Variants in LAMB1 observed in about 807,000 individuals in gnomAD.
LAMB1 encodes the protein laminin subunit beta-1.
In LAMB1, 121 loss-of-function variants were observed where a neutral mutation model predicts 222.3. The ratio of observed to expected loss-of-function variants is 0.54; its 90% confidence interval spans 0.47 to 0.63. The LOEUF is 0.63. Among genes scored for constraint, LAMB1 ranks in the 30% least tolerant of loss-of-function variants. The pLI, the probability that LAMB1 is intolerant of heterozygous loss-of-function variation, is 0.00. For synonymous variants in LAMB1, 794 were observed against 807.2 expected, an observed-to-expected ratio of 0.98 and a Z score of 0.28; for missense variants, 2,172 against 2,240.8, an observed-to-expected ratio of 0.97 and a Z score of 0.62.
chr7:107,939,102 C>T (rs2032917033), intron 25 of LAMB1, among the ~76,000 whole-genome samples: 1 of 152,062 alleles, frequency 6.6e-6, no homozygotes, highest in African/African-American at 2.4e-5. Context: ...GATGGTGAGT[C>T]TGCAGTGAAA....
At chr7:107,931,556 C>A (rs1281561488) in intron 28 of LAMB1, 56 bp from the exon 29 acceptor site, 1 of 1,496,560 alleles carries the variant, frequency 6.7e-7, no homozygotes, top group Non-Finnish European at 9.1e-7. Context: ...TAAAGGAGAC[C>A]AGAATATTGG....
intron 27 of LAMB1, 199 bp downstream of exon 27, chr7:107,935,216 T>C: frequency 4.3e-6 from 3 of 697,628 alleles, no homozygotes; most frequent in South Asian, 4.1e-5. Context: ...ACCCATATGC[T>C]GCTGCTTTTA....
intron 24 of LAMB1, among the ~76,000 whole-genome samples, chr7:107,941,346 T>TTTG (rs1200713668): frequency 1.3e-5 from 2 of 152,210 alleles, no homozygotes; most frequent in African/African-American, 2.4e-5. Context: ...GGCCTTATGC[T>TTTG]AACATCTTAT....
chr7:107,978,742 C>A (rs1338680342), intron 8 of LAMB1, among the ~76,000 whole-genome samples: 1 of 151,642 alleles, frequency 6.6e-6, no homozygotes, highest in Non-Finnish European at 1.5e-5. Flanking sequence ...TTATGTTTTC[C>A]TTTTATGTAA....
intron 25 of LAMB1, among the ~76,000 whole-genome samples, chr7:107,937,846 T>C (rs890035732): frequency 6.6e-6 from 1 of 152,116 alleles, no homozygotes; most frequent in Admixed American, 6.6e-5. Context: ...TTTTATTTTT[T>C]ATAAGAAAAT....
At position 107,935,609 on chromosome 7, in the gene LAMB1, C is replaced by G; in HGVS notation, c.3994G>C (p.Glu1332Gln). 1.2e-6 allele frequency: 2 copies of G among 1,613,950 alleles called. No homozygotes were observed. The highest frequency in any genetic ancestry group is 1.7e-6 in the Non-Finnish European group (2 of 1,179,952). The change falls in exon 27 of 34, where the codon GAG (glutamate) becomes CAG (glutamine). Residue 1332 changes from glutamate to glutamine, a missense_variant. Transcript: ENST00000222399. ...TKYFQMSLEA[E>Q]ERVNASTTEP... The stretch of plus-strand genomic sequence containing the variant: ...GTGGTGGAGGCATTCACCCTCTCCT[C>G]TGCCTCAAGAGACATCTGGAAATAC...
intron 27 of LAMB1, 182 bp downstream of exon 27, chr7:107,935,233 C>T (rs1584487031): frequency 1.2e-6 from 1 of 828,572 alleles, no homozygotes; most frequent in East Asian, 2.6e-5. Context: ...TTTAATCTGT[C>T]TTGGTTACAG....
chr7:107,932,031 G>T, intron 28 of LAMB1, 143 bp downstream of exon 28: 2 of 808,224 alleles, frequency 2.5e-6, no homozygotes, highest in Non-Finnish European at 4.1e-6. Flanking sequence ...TGACCTCACA[G>T]AAACATGAAC....
At chr7:107,972,864 A>T in intron 13 of LAMB1, 128 bp downstream of exon 13, 1 of 730,572 alleles carries the variant, frequency 1.4e-6, no homozygotes, top group Non-Finnish European at 2.5e-6. Context: ...GTACCTACAC[A>T]CATTTATCAA....
intron 24 of LAMB1, among the ~76,000 whole-genome samples, chr7:107,948,710 T>C (rs2033180245): frequency 6.6e-6 from 1 of 152,164 alleles, no homozygotes; most frequent in African/African-American, 2.4e-5. Context: ...TTTCTTCTAA[T>C]ACAGGAGTAC....
intron 20 of LAMB1, 146 bp from the exon 21 acceptor site, chr7:107,955,776 A>G (rs1301324573): frequency 1.1e-5 from 8 of 708,724 alleles, no homozygotes; most frequent in Non-Finnish European, 1.5e-5. Flanking sequence ...TCTGTCACCC[A>G]GGCTGGAGTG....
intron 13 of LAMB1, among the ~76,000 whole-genome samples, chr7:107,968,797 A>C (rs577952514): frequency 1.3e-5 from 2 of 152,226 alleles, no homozygotes; most frequent in Non-Finnish European, 2.9e-5. Context: ...TCTCCTTTAG[A>C]GCCTTAGAAA....
Position 107,980,723 on chromosome 7 carries a change from T to C in LAMB1, c.765A>G (p.Arg255=). The change falls in exon 8 of 34, where the codon AGA becomes AGG. Residue 255 remains arginine, a synonymous_variant. Transcript: ENST00000222399. ...DNLLDSRMEI[R]EKYYYAVYDM... ...CATAAACTGCATAATAATACTTTTC[T>C]CTGATTTCCATCCTGGAATCCAGAA... The C allele has an allele frequency of 6.2e-7, 1 of 1,613,646 alleles. No individual in the cohort carries two copies. The highest frequency in any genetic ancestry group is 8.5e-7 in the Non-Finnish European group (1 of 1,179,544).
intron 24 of LAMB1, among the ~76,000 whole-genome samples, chr7:107,945,863 G>T (rs1391057530): frequency 1.3e-5 from 2 of 152,164 alleles, no homozygotes; most frequent in Non-Finnish European, 2.9e-5. Context: ...CTTCCCTAAT[G>T]ACTCCATTTC....
At chr7:107,966,465 T>C (rs1293875000) in intron 13 of LAMB1, among the ~76,000 whole-genome samples, 1 of 152,078 alleles carries the variant, frequency 6.6e-6, no homozygotes. Flanking sequence ...TGCTTCGGTC[T>C]CCCAAAGTGC....
At chr7:107,998,537 A>G in intron 3 of LAMB1, 45 bp from the exon 4 acceptor site, 1 of 1,554,262 alleles carries the variant, frequency 6.4e-7, no homozygotes. Context: ...CAATCTCATT[A>G]AAAACATTTT....
intron 5 of LAMB1, among the ~76,000 whole-genome samples, chr7:107,993,631 G>C (rs1056173230): frequency 2.6e-5 from 4 of 151,984 alleles, no homozygotes; most frequent in African/African-American, 9.7e-5. Flanking sequence ...CTCTGCAAAG[G>C]AAAAAATAGG....
Position 107,929,425 on chromosome 7 carries a change from C to A in LAMB1, c.4732G>T (p.Ala1578Ser). The A allele has an allele frequency of 1.2e-6, 2 of 1,613,922 alleles. No individual in the cohort carries two copies. The highest frequency in any genetic ancestry group is 1.7e-6 in the Non-Finnish European group (2 of 1,179,844). ...GTCTTTAGATACCTTGCTCTTTTAGCTTCTTCTAACAACATCTCAGCTCTG... is the reference window on the plus strand; with the variant it reads ...GTCTTTAGATACCTTGCTCTTTTAGATTCTTCTAACAACATCTCAGCTCTG... ...IARAEMLLEE[A>S]KRASKSATDV... Residue 1578 changes from alanine (A) to serine (S), a missense_variant, in exon 30 of 34, where the codon GCT (alanine) becomes TCT (serine). Coordinates refer to ENST00000222399, the MANE Select transcript of LAMB1 (RefSeq NM_002291.3).
At position 107,964,602 on chromosome 7, in the gene LAMB1, C is replaced by G. The variant is rs573856624; in HGVS notation, c.1648G>C (p.Ala550Pro). 1 of 1,614,182 alleles carries G rather than the reference C, an allele frequency of 6.2e-7. No homozygotes were observed. The highest frequency in any genetic ancestry group is 1.7e-5 in the Admixed American group (1 of 60,022). Residue 550 changes from alanine to proline, a missense_variant, in exon 14 of 34, where the codon GCC (alanine) becomes CCC (proline). By Grantham distance (27) the Ala-to-Pro change is conservative. Transcript: ENST00000222399. The stretch of plus-strand genomic sequence containing the variant: ...TCATAGAGGTAGTGATCCAGGGTGG[C>G]AAAGTAGTAACCAGGTTCCACTTCG... ...CNEVEPGYYF[A>P]TLDHYLYEAE...
Sources: allele counts gnomAD v4.1 joint callset (sites outside exome capture counted in the v4.1 genomes callset), GRCh38; gene constraint gnomAD v4.1.1; transcripts MANE v1.5; gene names NCBI Gene and HGNC (gene_info 2026-07-23, HGNC 2026-07-21).